HNF4A: variants seen among roughly 807,000 people sequenced by gnomAD.
HNF4A encodes hepatocyte nuclear factor 4-alpha.
In HNF4A, 15 loss-of-function variants were observed where a neutral mutation model predicts 52.4. The ratio of observed to expected loss-of-function variants is 0.29; its 90% CI spans 0.19 to 0.44. The LOEUF is 0.44. Ranked by LOEUF, HNF4A falls within the 20% of genes least tolerant of loss-of-function variation. HNF4A has a pLI of 1.00. For missense variants in HNF4A, 479 were observed against 647.2 expected, an observed-to-expected ratio of 0.74 and a Z score of 2.82; for synonymous variants, 280 against 264.4, an observed-to-expected ratio of 1.06 and a Z score of -0.57.
intron 1 of HNF4A, among the ~76,000 whole-genome samples, chr20:44,401,670 C>T (rs2063411438): frequency 6.6e-6 from 1 of 152,260 alleles, no homozygotes; most frequent in Non-Finnish European, 1.5e-5. Flanking sequence ...TGATCACAGG[C>T]ATTCTGGGTG....
rs774093087 is a variant in HNF4A at position 44,401,393 on chromosome 20, C to T, written c.21C>T (p.Leu7=). 89 of 1,614,052 alleles carry T rather than the reference C, an allele frequency of 5.5e-5. No homozygotes were observed. Among genetic ancestry groups the T allele is most frequent in the South Asian group, 6.6e-5 (6 of 91,086 alleles). The stretch of plus-strand genomic sequence containing the variant: ...GGAGAATGCGACTCTCCAAAACCCT[C>T]GTCGACATGGACATGGCCGACTACA... Residue 7 remains leucine, a synonymous_variant, in exon 1 of 10, where the codon CTC becomes CTT. Coordinates refer to ENST00000316099, the MANE Select transcript of HNF4A (RefSeq NM_000457.6).
intron 1 of HNF4A, chr20:44,390,593 A>G (rs1388455749): frequency 4.3e-6 from 3 of 702,176 alleles, no homozygotes; most frequent in East Asian, 5.4e-5. Flanking sequence ...TCCCTCAAGG[A>G]TGAAGAGGTT....
intron 1 of HNF4A, among the ~76,000 whole-genome samples, chr20:44,357,925 C>T (rs549437451): frequency 6.6e-6 from 1 of 151,494 alleles, no homozygotes; most frequent in South Asian, 2.1e-4. Flanking sequence ...CTGCTCTAGG[C>T]CACAGATATG....
At chr20:44,418,863 C>T (rs921717767) in intron 6 of HNF4A, among the ~76,000 whole-genome samples, 11 of 152,178 alleles carry the variant, frequency 7.2e-5, no homozygotes, top group African/African-American at 2.7e-4. Context: ...TCAGCCTCCA[C>T]CCGCCACGTT....
chr20:44,365,199 T>A (rs1268176436), intron 1 of HNF4A, among the ~76,000 whole-genome samples: 1 of 152,104 alleles, frequency 6.6e-6, no homozygotes, highest in Non-Finnish European at 1.5e-5. Context: ...TGAAACAGGG[T>A]CTTGCTCTGT....
In HNF4A at chr20:44,424,397, T is replaced by C. The variant is rs1040664766; in HGVS notation, c.1129+143T>C. On this transcript the variant is annotated intron_variant, in intron 8 of 9. Transcript: ENST00000316099. ...TTGCTTAACCTGTCTGTGCCTCAGT[T>C]TCCTCACCAGAAAAATGGGAACAAG... 2.9e-6 allele frequency: 4 copies of C among 1,396,976 alleles called. No individual in the cohort carries two copies. In the Admixed American group the frequency reaches 7.9e-5, roughly 27 times the overall value. 86.5% of individuals were successfully genotyped at this position (1,396,976 alleles called of 1,614,324 possible).
chr20:44,403,520 A>C (rs1313077559), intron 1 of HNF4A, among the ~76,000 whole-genome samples: 1 of 152,168 alleles, frequency 6.6e-6, no homozygotes. Flanking sequence ...AAGTGGTCTG[A>C]ATTGGGGTTA....
At chr20:44,372,257 C>T (rs907154506) in intron 1 of HNF4A, among the ~76,000 whole-genome samples, 3 of 152,226 alleles carry the variant, frequency 2.0e-5, no homozygotes, top group African/African-American at 7.2e-5. Flanking sequence ...TTCTATTGGC[C>T]AGCACTGGCC....
upstream of HNF4A, chr20:44,401,181 C>T: frequency 6.8e-7 from 1 of 1,470,018 alleles, no homozygotes; most frequent in Non-Finnish European, 9.0e-7. Flanking sequence ...CCATTAACCC[C>T]CACCCCTCCC....
At chr20:44,376,084 A>G (rs6017333) in intron 1 of HNF4A, among the ~76,000 whole-genome samples, 2,839 of 152,024 alleles carry the variant, frequency 0.019, 94 homozygotes, top group African/African-American at 0.066. Flanking sequence ...GTCTCTACTA[A>G]AAATACAAAA....
chr20:44,394,355 T>C (rs148998870), intron 1 of HNF4A, among the ~76,000 whole-genome samples: 2,449 of 152,254 alleles, frequency 0.016, 31 homozygotes, highest in South Asian at 0.05. Flanking sequence ...ATCTGTGCAA[T>C]GAGGGGATGG....
chr20:44,387,810 G>C (rs1018313985), intron 1 of HNF4A, among the ~76,000 whole-genome samples: 7 of 152,032 alleles, frequency 4.6e-5, no homozygotes, highest in Non-Finnish European at 8.8e-5. Flanking sequence ...TGGAAAGATG[G>C]AAAATCTAGA....
chr20:44,395,804 CT>C (rs2063347726), intron 1 of HNF4A: 1 of 152,262 alleles, frequency 6.6e-6, no homozygotes, highest in South Asian at 2.1e-4. Flanking sequence ...TCCTCCACGA[CT>C]TTTGTTCTTT....
At chr20:44,365,732 C>T (rs1459974931) in intron 1 of HNF4A, among the ~76,000 whole-genome samples, 4 of 152,136 alleles carry the variant, frequency 2.6e-5, no homozygotes, top group African/African-American at 4.8e-5. Context: ...TTTGGCCGGA[C>T]GCCGTGGCTC....
At chr20:44,412,831 G>A (rs759300394) in intron 3 of HNF4A, among the ~76,000 whole-genome samples, 78 of 152,114 alleles carry the variant, frequency 5.1e-4, no homozygotes, top group Non-Finnish European at 7.4e-4. Flanking sequence ...GCAGGGAGCC[G>A]GCTGGCAGGG....
At chr20:44,365,293 C>T (rs1213086667) in intron 1 of HNF4A, among the ~76,000 whole-genome samples, 1 of 152,082 alleles carries the variant, frequency 6.6e-6, no homozygotes, top group East Asian at 1.9e-4. Flanking sequence ...CTAAGCCTCC[C>T]AAGTAGCTGG....
intron 1 of HNF4A, among the ~76,000 whole-genome samples, chr20:44,358,194 G>A (rs1280820522): frequency 6.8e-6 from 1 of 147,746 alleles, no homozygotes; most frequent in Non-Finnish European, 1.5e-5. Context: ...CCCTCTCTGA[G>A]CTTCACATGT....
chr20:44,365,924 T>C (rs2062965893), intron 1 of HNF4A, among the ~76,000 whole-genome samples: 1 of 152,064 alleles, frequency 6.6e-6, no homozygotes, highest in Non-Finnish European at 1.5e-5. Flanking sequence ...AGAGGATTGC[T>C]TGAGCCCAAG....
intron 1 of HNF4A, chr20:44,391,362 G>C (rs1346988048): frequency 6.6e-6 from 1 of 152,420 alleles, no homozygotes; most frequent in African/African-American, 2.4e-5. Context: ...GACATTCTTT[G>C]TTCTACACTT....
Sources: allele counts gnomAD v4.1 joint callset (sites outside exome capture counted in the v4.1 genomes callset), GRCh38; gene constraint gnomAD v4.1.1; transcripts MANE v1.5; gene names NCBI Gene and HGNC (gene_info 2026-07-23, HGNC 2026-07-21).